Variants in MYO7A observed in about 807,000 individuals in gnomAD.
MYO7A encodes myosin VIIA.
A neutral mutation model predicts 263.8 loss-of-function variants in MYO7A; 210 were observed. The observed-to-expected ratio is 0.80, with a 90% CI of 0.71 to 0.89. The LOEUF (loss-of-function observed/expected upper bound fraction) is 0.89. MYO7A is among the 40% of genes least tolerant of loss of function. The pLI is 0.00. For missense variants in MYO7A, 2,820 were observed against 2,968.3 expected (o/e 0.95, Z 1.16); for synonymous variants, 1,239 against 1,197.3 (o/e 1.03, Z -0.72).
In MYO7A at chr11:77,206,316, T is replaced by A. The variant is rs149631985; in HGVS notation, c.5742+114T>A. The A allele has an allele frequency of 1.1e-3, 814 of 767,942 alleles. 6 individuals carry two copies. In the African/African-American group the frequency reaches 0.011, roughly 11 times the overall value. 47.6% of individuals were successfully genotyped at this position (767,942 alleles called of 1,614,324 possible). A position where few individuals can be genotyped will look rare whatever the true frequency, so the allele number is the denominator to read the frequency against. On this transcript the variant is annotated intron_variant, in intron 41 of 48. Transcript: ENST00000409709. ...CCATCACCTGACATTTGCCGCCTCGTCCTCCTGCCCCGTAGTGGAGTCGGG... is the reference window on the plus strand; with the variant it reads ...CCATCACCTGACATTTGCCGCCTCGACCTCCTGCCCCGTAGTGGAGTCGGG...
chr11:77,214,946 T>G lies in MYO7A; in HGVS notation c.*250T>G, dbSNP rs1046854528. The G allele has an allele frequency of 1.4e-4, 66 of 483,730 alleles. No homozygotes were observed. The East Asian group carries it at 1.9e-3, about 14-fold the overall frequency. The allele number at this position is 483,730 out of a possible 1,614,324, so 30.0% of individuals were successfully genotyped here. On this transcript the variant is annotated 3_prime_UTR_variant, in exon 49 of 49. Coordinates refer to ENST00000409709, the MANE Select transcript of MYO7A (RefSeq NM_000260.4). ...GTCTAATCCTAGTTTGCTGTGGCCT[T>G]CCCGGTTGTGAGAGCCTGTGATCCT... is the stretch of plus-strand genomic sequence containing the variant.
chr11:77,180,470 C>G lies in MYO7A; in HGVS notation c.2683C>G (p.Arg895Gly). ...CAAGAAGGCCAAGGAGGAGGCCGAG[C>G]GCAAGCATCAGGTGAGCTGAGAGCC... ...SAKKAKEEAE[R>G]KHQERLAQLA... Residue 895 changes from arginine (R) to glycine (G), a missense_variant, in exon 22 of 49, where the codon CGC becomes GGC. Arg to Gly is a moderately radical substitution (Grantham distance 125). Coordinates refer to ENST00000409709, the MANE Select transcript of MYO7A (RefSeq NM_000260.4). 1 of 1,612,200 alleles carries G rather than the reference C, an allele frequency of 6.2e-7. No homozygotes were observed. Among genetic ancestry groups the G allele is most frequent in the Non-Finnish European group, 8.5e-7 (1 of 1,179,674 alleles).
rs1317910326 is a variant in MYO7A at position 77,172,891 on chromosome 11, T to C, written c.1935+6T>C. ...ATGAGTTCAAGAAGCCCATGGTGAG[T>C]GGCCCTGGCCTGGGGTTGGCGGGTG... On this transcript the variant is annotated splice_donor_region_variant and intron_variant, in intron 16 of 48. Transcript: ENST00000409709. The C allele has an allele frequency of 2.6e-6, 4 of 1,545,272 alleles. No homozygotes were observed. Among genetic ancestry groups the C allele is most frequent in the Non-Finnish European group, 2.6e-6 (3 of 1,141,638 alleles).
chr11:77,157,485 T>A, intron 8 of MYO7A, 93 bp downstream of exon 8: 1 of 818,084 alleles, frequency 1.2e-6, no homozygotes, highest in Non-Finnish European at 1.9e-6. Context: ...GTCTCACTGG[T>A]CACAGGGCTC....
rs1376736864 is a variant in MYO7A at position 77,138,315 on chromosome 11, G to GGACCCCGCC, written c.19-4388_19-4380dup. On this transcript the variant is annotated intron_variant, in intron 2 of 48. Coordinates refer to ENST00000409709, the MANE Select transcript of MYO7A (RefSeq NM_000260.4). The surrounding 1 kb of genome is among the most constrained non-coding windows in gnomAD (Gnocchi z 4.9). ...GCCGTCGCCGTCGCAGCGCCATGGA[G>GGACCCCGCC]GACCCCGCCGACCCTGCCGACCCCG... Among the ~76,000 whole-genome samples, 10 of 128,912 alleles carry GGACCCCGCC rather than the reference G, an allele frequency of 7.8e-5. No individual in the cohort carries two copies. Among genetic ancestry groups the GGACCCCGCC allele is most frequent in the African/African-American group, 3.1e-4 (9 of 28,868 alleles). The allele number at this position is 128,912 out of a possible 152,430, so 84.6% of individuals were successfully genotyped here.
At position 77,190,087 on chromosome 11, in the gene MYO7A, G is replaced by C. The variant is rs1955939071; in HGVS notation, c.3698G>C (p.Arg1233Thr). 1 of 1,579,474 alleles carries C rather than the reference G, an allele frequency of 6.3e-7. No homozygotes were observed. Among genetic ancestry groups the C allele is most frequent in the Non-Finnish European group, 8.6e-7 (1 of 1,163,412 alleles). The change falls in exon 29 of 49, where the codon AGG (arginine) becomes ACG (threonine). Residue 1233 changes from arginine to threonine, a missense_variant. Physicochemically the swap from Arg to Thr is moderately conservative, Grantham distance 71. Transcript: ENST00000409709. Reference sequence around the variant, plus strand: ...CCGTACTGTGAGGAGCGCCTGAGAAGGACCTTTGTCAATGGGACACGGACA... The same window carrying C: ...CCGTACTGTGAGGAGCGCCTGAGAACGACCTTTGTCAATGGGACACGGACA... ...YAPYCEERLR[R>T]TFVNGTRTQP... is the part of the protein sequence containing the mutation.
At chr11:77,187,864 G>A (rs1173728856) in intron 27 of MYO7A, among the ~76,000 whole-genome samples, 2 of 152,188 alleles carry the variant, frequency 1.3e-5, no homozygotes, top group South Asian at 2.1e-4. Flanking sequence ...GTAGGGAAGA[G>A]ATTTGCCCAG....
intron 17 of MYO7A, among the ~76,000 whole-genome samples, 176 bp downstream of exon 17, chr11:77,175,090 T>A (rs1018844725): frequency 6.6e-6 from 1 of 152,158 alleles, no homozygotes; most frequent in Non-Finnish European, 1.5e-5. Context: ...TCAGTTGCCA[T>A]GTTCAGCTGG....
At chr11:77,164,646 C>A (rs1175294523) in intron 14 of MYO7A, among the ~76,000 whole-genome samples, 1 of 152,184 alleles carries the variant, frequency 6.6e-6, no homozygotes, top group Non-Finnish European at 1.5e-5. Flanking sequence ...ACAAATTGGT[C>A]TTTCATTTGG....
intron 15 of MYO7A, among the ~76,000 whole-genome samples, chr11:77,167,876 A>G (rs906987932): frequency 1.3e-4 from 20 of 151,780 alleles, no homozygotes; most frequent in African/African-American, 4.1e-4. Flanking sequence ...TCCCGCCCCC[A>G]CTCACCCTGA....
intron 4 of MYO7A, among the ~76,000 whole-genome samples, chr11:77,148,997 G>A (rs1555055707): frequency 6.6e-6 from 1 of 152,212 alleles, no homozygotes; most frequent in East Asian, 1.9e-4. Context: ...AGATGGCTTT[G>A]CAGACTTCCT....
Position 77,204,241 on chromosome 11 carries a change from ACAGT to A in MYO7A, c.5480+13_5480+16del. 2 of 1,563,684 alleles carry A rather than the reference ACAGT, an allele frequency of 1.3e-6. No homozygotes were observed. The highest frequency in any genetic ancestry group is 1.7e-6 in the Non-Finnish European group (2 of 1,154,254). On this transcript the variant is annotated intron_variant, in intron 39 of 48. Coordinates refer to ENST00000409709, the MANE Select transcript of MYO7A (RefSeq NM_000260.4). ...GACAACCACATCAGGTGAGCCAGGC[ACAGT>A]GGGCGGATGAGGGGCAGACCTCACC...
At chr11:77,150,442 G>A (rs1951883551) in intron 4 of MYO7A, among the ~76,000 whole-genome samples, 1 of 152,192 alleles carries the variant, frequency 6.6e-6, no homozygotes, top group African/African-American at 2.4e-5. Context: ...ACTGATCCCT[G>A]GGTGGCCAGC....
intron 2 of MYO7A, among the ~76,000 whole-genome samples, chr11:77,135,645 A>G (rs1250014468): frequency 6.6e-6 from 1 of 152,196 alleles, no homozygotes; most frequent in Non-Finnish European, 1.5e-5. Context: ...AGGAACTGCC[A>G]TAGTGTTTTT....
intron 21 of MYO7A, 35 bp downstream of exon 21, chr11:77,179,988 AC>A: frequency 4.0e-6 from 6 of 1,498,166 alleles, no homozygotes; most frequent in Non-Finnish European, 3.6e-6. Context: ...CACAGCTCTG[AC>A]CCCTGGGCGA....
At chr11:77,164,009 T>A (rs527881478) in intron 14 of MYO7A, among the ~76,000 whole-genome samples, 3 of 152,230 alleles carry the variant, frequency 2.0e-5, no homozygotes, top group Non-Finnish European at 2.9e-5. Flanking sequence ...CCTTACCTGA[T>A]ACAACATAGC....
In MYO7A at chr11:77,189,468, A is replaced by T. The variant is rs878853376; in HGVS notation, c.3628A>T (p.Lys1210Ter). 3.1e-6 allele frequency: 5 copies of T among 1,613,656 alleles called. No individual in the cohort carries two copies. Among genetic ancestry groups the T allele is most frequent in the Non-Finnish European group, 4.2e-6 (5 of 1,179,798 alleles). The change falls in exon 28 of 49, where the codon AAG (lysine) becomes TAG (stop). Residue 1210 changes from lysine to a stop codon, truncating the protein, a stop_gained and splice_region_variant. Transcript: ENST00000409709. LOFTEE classifies it high-confidence loss of function. ...TTTCGCCCCCTCCGAGAAGTTTGTC[A>T]AGGTAGGAAGGTGCCTGGCCTCCTG... ...GCFAPSEKFV[K>*]YLRNFIHGGP...
intron 7 of MYO7A, 46 bp from the exon 8 acceptor site, chr11:77,157,233 T>C (rs1360696887): frequency 2.2e-5 from 33 of 1,498,410 alleles, no homozygotes; most frequent in Non-Finnish European, 2.9e-5. Flanking sequence ...GATGGCCTCC[T>C]CTGGCCCTCC....
At chr11:77,132,304 C>T (rs1162870286) in intron 2 of MYO7A, among the ~76,000 whole-genome samples, 7 of 152,042 alleles carry the variant, frequency 4.6e-5, no homozygotes, top group African/African-American at 1.7e-4. Flanking sequence ...ACATGAGGGA[C>T]AGCCTTCATC....
Sources: gnomAD v4.1 joint callset for allele counts (sites outside exome capture counted in the v4.1 genomes callset) on GRCh38, gnomAD v4.1.1 for gene constraint, Gnocchi (gnomAD v3.1) non-coding constraint, MANE v1.5 for transcripts, NCBI Gene and HGNC (gene_info 2026-07-23, HGNC 2026-07-21) for gene names.